The following TRIM58 variants were observed in gnomAD, a reference collection of about 807,000 sequenced individuals.
TRIM58 encodes E3 ubiquitin-protein ligase TRIM58.
Under a neutral mutation model 34.1 loss-of-function variants are expected in TRIM58, and 38 were observed. The ratio of observed to expected loss-of-function variants is 1.12; its 90% CI spans 0.86 to 1.46. The LOEUF (loss-of-function observed/expected upper bound fraction) is 1.46, where lower values mean the gene tolerates loss of function less well. TRIM58 is among the 40% of genes most tolerant of loss of function. TRIM58 has a pLI of 0.00. For synonymous variants in TRIM58, 273 were observed against 275.7 expected (o/e 0.99, Z 0.10); for missense variants, 677 against 642.0 (o/e 1.05, Z -0.59).
chr1:247,860,559 T>C, intron 1 of TRIM58, 58 bp from the exon 2 acceptor site: 1 of 1,216,256 alleles, frequency 8.2e-7, no homozygotes, highest in Admixed American at 1.9e-5. Context: ...CTCACACATC[T>C]GTGTGACGTT....
rs1659296429 is a variant in TRIM58 at position 247,876,642 on chromosome 1, A to G, written c.*153A>G. 1 of 630,230 alleles carries G rather than the reference A, an allele frequency of 1.6e-6. No individual in the cohort carries two copies. Among genetic ancestry groups the G allele is most frequent in the Non-Finnish European group, 2.7e-6 (1 of 365,476 alleles). The allele number at this position is 630,230 out of a possible 1,614,324, so 39.0% of individuals were successfully genotyped here. ...ATGTCCATGGGACAAAAGAGGGAATATGAAATATTTGCATATGGGAAGATT... is the reference window on the plus strand; with the variant it reads ...ATGTCCATGGGACAAAAGAGGGAATGTGAAATATTTGCATATGGGAAGATT... On this transcript the variant is annotated 3_prime_UTR_variant, in exon 6 of 6. Coordinates refer to ENST00000366481, the MANE Select transcript of TRIM58 (RefSeq NM_015431.4).
At position 247,878,112 on chromosome 1, in the gene TRIM58, G is replaced by A. The variant is rs570483608; in HGVS notation, c.*1623G>A. On this transcript the variant is annotated 3_prime_UTR_variant, in exon 6 of 6. Transcript: ENST00000366481. Reference sequence around the variant, plus strand: ...CAGGAGGCAGAGCTTGTAGTGAGCCGAGATCGCGCCACTGCACTCCAGCCG... The same window carrying A: ...CAGGAGGCAGAGCTTGTAGTGAGCCAAGATCGCGCCACTGCACTCCAGCCG... 1.3e-5 allele frequency: 2 copies of A among 151,888 alleles called. No homozygotes were observed. The highest frequency in any genetic ancestry group is 3.9e-4 in the East Asian group (2 of 5,144). The allele number at this position is 151,888 out of a possible 1,614,324, so 9.4% of individuals were successfully genotyped here. A position where few individuals can be genotyped will look rare whatever the true frequency, so the allele number is the denominator to read the frequency against.
intron 1 of TRIM58, 137 bp downstream of exon 1, chr1:247,857,803 C>T (rs981743689): frequency 6.4e-5 from 73 of 1,149,202 alleles, no homozygotes; most frequent in Admixed American, 3.6e-4. Context: ...CCGTCCCCCC[C>T]GCCCACGCGG....
chr1:247,861,090 A>G (rs1270742535), intron 2 of TRIM58, among the ~76,000 whole-genome samples: 1 of 152,200 alleles, frequency 6.6e-6, no homozygotes, highest in Non-Finnish European at 1.5e-5. Flanking sequence ...AGTGTAGCCC[A>G]AGGTGATCAT....
intron 1 of TRIM58, among the ~76,000 whole-genome samples, chr1:247,859,075 G>A (rs1422752069): frequency 2.0e-5 from 3 of 151,948 alleles, no homozygotes; most frequent in Non-Finnish European, 2.9e-5. Flanking sequence ...ATTTCTAAAG[G>A]TGTTCTCCAT....
At chr1:247,869,238 T>C (rs993618327) in intron 5 of TRIM58, among the ~76,000 whole-genome samples, 2 of 152,168 alleles carry the variant, frequency 1.3e-5, no homozygotes, top group Non-Finnish European at 2.9e-5. Context: ...GGAAGCACTA[T>C]GTAGACGTGA....
In TRIM58 at chr1:247,857,250, G is replaced by C. The variant is rs755940222; in HGVS notation, c.4G>C (p.Ala2Pro). Residue 2 changes from alanine to proline, a missense_variant, in exon 1 of 6, where the codon GCC becomes CCC. Physicochemically the swap from Ala to Pro is conservative, Grantham distance 27 (BLOSUM62 -1). Coordinates refer to ENST00000366481, the MANE Select transcript of TRIM58 (RefSeq NM_015431.4). The part of the protein sequence containing the change: M[A>P]WAPPGERLRE... Reference sequence around the variant, plus strand: ...GCAGCCCTCCGGGAGGCGGGTCATGGCCTGGGCGCCGCCCGGGGAGCGGCT... The same window carrying C: ...GCAGCCCTCCGGGAGGCGGGTCATGCCCTGGGCGCCGCCCGGGGAGCGGCT... 1.2e-5 allele frequency: 16 copies of C among 1,324,656 alleles called. No individual in the cohort carries two copies. The highest frequency in any genetic ancestry group is 1.6e-5 in the Non-Finnish European group (16 of 1,030,304). 82.1% of individuals were successfully genotyped at this position (1,324,656 alleles called of 1,614,324 possible).
chr1:247,867,078 C>T (rs1034980651), intron 3 of TRIM58, among the ~76,000 whole-genome samples: 6 of 152,024 alleles, frequency 3.9e-5, no homozygotes, highest in Non-Finnish European at 5.9e-5. Flanking sequence ...AATAATGTTA[C>T]TAGTTATTAA....
At chr1:247,868,093 G>A in intron 5 of TRIM58, 30 bp downstream of exon 5, 1 of 1,558,666 alleles carries the variant, frequency 6.4e-7, no homozygotes. Flanking sequence ...TGGGAATTAG[G>A]CTGCCTGGGG....
Position 247,875,949 on chromosome 1 carries a change from C to G in TRIM58, c.921C>G (p.Thr307=), listed in dbSNP as rs201527424. 19 of 1,614,076 alleles carry G rather than the reference C, an allele frequency of 1.2e-5. No individual in the cohort carries two copies. In the East Asian group the frequency reaches 4.0e-4, roughly 34 times the overall value. Residue 307 remains threonine (T), a synonymous_variant, in exon 6 of 6, where the codon ACC becomes ACG. Transcript: ENST00000366481. ...PATAHPSLLL[T]ADLRSVQDGE... is the part of the protein sequence containing the mutation. ...CGGCGCACCCGAGTCTGCTCTTGAC[C>G]GCCGACCTGCGCAGTGTGCAGGATG... is the stretch of plus-strand genomic sequence containing the variant.
At chr1:247,863,143 G>C (rs1205371247) in intron 2 of TRIM58, among the ~76,000 whole-genome samples, 2 of 152,214 alleles carry the variant, frequency 1.3e-5, no homozygotes, top group African/African-American at 2.4e-5. Context: ...GAAGGAGGTA[G>C]AGATGGAAAA....
intron 5 of TRIM58, among the ~76,000 whole-genome samples, chr1:247,874,163 TA>T (rs1659218655): frequency 1.3e-5 from 2 of 152,206 alleles, no homozygotes; most frequent in African/African-American, 4.8e-5. Context: ...TATAAGGAAA[TA>T]TGCTTTATTT....
Position 247,873,001 on chromosome 1 carries a change from C to T in TRIM58, c.872-2899C>T, listed in dbSNP as rs182024931. ...ATCCCTGCACTTTGGGAGGCCGAGG[C>T]GGGCAGATCACCTGAGGTCAGGAGT... is the stretch of plus-strand genomic sequence containing the variant. On this transcript the variant is annotated intron_variant, in intron 5 of 5. Transcript: ENST00000366481. Among the ~76,000 whole-genome samples, 333 of 152,206 alleles carry T rather than the reference C, an allele frequency of 2.2e-3. 2 individuals carry two copies. The highest frequency in any genetic ancestry group is 4.8e-3 in the Admixed American group (73 of 15,290).
At position 247,876,849 on chromosome 1, in the gene TRIM58, G is replaced by T; in HGVS notation, c.*360G>T. ...AATCTTCCATATAAGAATTAGACAT[G>T]GCAATTCTTAAATTGATTCAGAATG... On this transcript the variant is annotated 3_prime_UTR_variant, in exon 6 of 6. Coordinates refer to ENST00000366481, the MANE Select transcript of TRIM58 (RefSeq NM_015431.4). 4.4e-6 allele frequency: 1 copy of T among 228,264 alleles called. No individual in the cohort carries two copies. Among genetic ancestry groups the T allele is most frequent in the Non-Finnish European group, 8.7e-6 (1 of 115,460 alleles). The allele number at this position is 228,264 out of a possible 1,614,324, so 14.1% of individuals were successfully genotyped here. A position where few individuals can be genotyped will look rare whatever the true frequency, so the allele number is the denominator to read the frequency against.
rs78350424 is a variant in TRIM58 at position 247,858,499 on chromosome 1, A to G, written c.420+833A>G. On this transcript the variant is annotated intron_variant, in intron 1 of 5. Coordinates refer to ENST00000366481, the MANE Select transcript of TRIM58 (RefSeq NM_015431.4). ...GTCGTCTTTACTGACAGATTTAACC[A>G]AAGGACTGTCAGTCGCGCTGTAGTG... is the stretch of plus-strand genomic sequence containing the variant. 5.5e-3 allele frequency among the ~76,000 whole-genome samples: 836 copies of G among 152,308 alleles called. 8 individuals carry two copies. The highest frequency in any genetic ancestry group is 0.019 in the African/African-American group (801 of 41,552).
chr1:247,857,768 C>G, intron 1 of TRIM58, 102 bp downstream of exon 1: 1 of 1,188,774 alleles, frequency 8.4e-7, no homozygotes, highest in Non-Finnish European at 1.0e-6. Context: ...TGAGCGGCTC[C>G]CACGGCCGCT....
Position 247,864,700 on chromosome 1 carries a change from C to T in TRIM58, c.517-5C>T. On this transcript the variant is annotated splice_region_variant and splice_polypyrimidine_tract_variant and intron_variant, in intron 2 of 5. Coordinates refer to ENST00000366481, the MANE Select transcript of TRIM58 (RefSeq NM_015431.4). ...CTGACGATGTGATCCACGGTGTCAC[C>T]TCAGGAGAAAGTGGAAATGCAGAGG... is the stretch of plus-strand genomic sequence containing the variant. 1 of 1,613,796 alleles carries T rather than the reference C, an allele frequency of 6.2e-7. No individual in the cohort carries two copies. The highest frequency in any genetic ancestry group is 8.5e-7 in the Non-Finnish European group (1 of 1,179,880).
Position 247,876,482 on chromosome 1 carries a change from A to T in TRIM58, c.1454A>T (p.His485Leu). The T allele has an allele frequency of 6.2e-7, 1 of 1,612,610 alleles. No homozygotes were observed. The highest frequency in any genetic ancestry group is 8.5e-7 in the Non-Finnish European group (1 of 1,179,266). Residue 485 changes from histidine to leucine, a missense_variant, in exon 6 of 6, where the codon CAT becomes CTT. His to Leu is a moderately conservative substitution (Grantham distance 99, BLOSUM62 -3). Coordinates refer to ENST00000366481, the MANE Select transcript of TRIM58 (RefSeq NM_015431.4). The stretch of plus-strand genomic sequence containing the variant: ...CCTGCTTCTGATGTAAGAGATGATC[A>T]TCTCTAAAATTCTGTTCCCAAGATG... Reference protein sequence around the residue: ...LDPASDVRDDHL With the variant: ...LDPASDVRDDLL
chr1:247,867,805 TCA>T, intron 3 of TRIM58, 38 bp from the exon 4 acceptor site: 4 of 1,614,016 alleles, frequency 2.5e-6, no homozygotes, highest in Non-Finnish European at 3.4e-6. Context: ...GAAAAGCAGT[TCA>T]GAGTCCAACT....
Sources: allele counts gnomAD v4.1 joint callset (sites outside exome capture counted in the v4.1 genomes callset), GRCh38; gene constraint gnomAD v4.1.1; transcripts MANE v1.5; gene names NCBI Gene and HGNC (gene_info 2026-07-23, HGNC 2026-07-21).